The following GRID2 variants were observed in gnomAD, a reference collection of about 807,000 sequenced individuals.
GRID2 encodes glutamate receptor ionotropic, delta-2.
A neutral mutation model predicts 114.8 loss-of-function variants in GRID2; 33 were observed. The ratio of observed to expected loss-of-function variants is 0.29; its 90% CI spans 0.22 to 0.38. The LOEUF is 0.38. GRID2 is among the 10% of genes least tolerant of loss of function. The pLI is 1.00. For synonymous variants in GRID2, 505 were observed against 449.9 expected (o/e 1.12, Z -1.55); for missense variants, 1,184 against 1,257.7 (o/e 0.94, Z 0.89).
intron 1 of GRID2, among the ~76,000 whole-genome samples, chr4:92,563,961 T>G (rs2149184826): frequency 6.6e-6 from 1 of 152,214 alleles, no homozygotes; most frequent in Admixed American, 6.6e-5. Flanking sequence ...AATGTCTTAC[T>G]TCTACCTATT....
chr4:93,614,941 A>G (rs1156285055), intron 13 of GRID2, among the ~76,000 whole-genome samples: 2 of 152,200 alleles, frequency 1.3e-5, no homozygotes, highest in Non-Finnish European at 2.9e-5. Flanking sequence ...TAATACTTCA[A>G]TGAATTGCCT....
intron 14 of GRID2, among the ~76,000 whole-genome samples, chr4:93,739,667 C>G (rs1422531399): frequency 5.3e-5 from 8 of 152,188 alleles, no homozygotes; most frequent in Admixed American, 4.6e-4. Context: ...TCTCTCACCC[C>G]ACCCGGCTAA....
intron 1 of GRID2, among the ~76,000 whole-genome samples, chr4:92,429,710 T>C (rs996949893): frequency 3.3e-5 from 5 of 152,110 alleles, no homozygotes. Flanking sequence ...TGTAATTTAG[T>C]CCCCAGCAGA....
chr4:93,574,034 G>A (rs1393925137), intron 13 of GRID2, among the ~76,000 whole-genome samples: 1 of 152,118 alleles, frequency 6.6e-6, no homozygotes, highest in Non-Finnish European at 1.5e-5. Flanking sequence ...CATTGATAGA[G>A]GGTAGAGATA....
intron 1 of GRID2, among the ~76,000 whole-genome samples, chr4:93,803,236 C>T (rs1271278496): frequency 6.6e-6 from 1 of 152,162 alleles, no homozygotes; most frequent in East Asian, 1.9e-4. Context: ...TCACACTCAA[C>T]TCTGATACTG....
At chr4:93,246,229 C>G (rs1748185406) in intron 8 of GRID2, among the ~76,000 whole-genome samples, 1 of 152,120 alleles carries the variant, frequency 6.6e-6, no homozygotes, top group Admixed American at 6.6e-5. Context: ...TCTTCAATTA[C>G]TGTCCTAGTT....
chr4:92,988,341 C>G (rs1319375465), intron 2 of GRID2, among the ~76,000 whole-genome samples: 4 of 152,120 alleles, frequency 2.6e-5, no homozygotes, highest in African/African-American at 9.7e-5. Flanking sequence ...TGCTTGGTGG[C>G]TGAAAACCAG....
intron 8 of GRID2, among the ~76,000 whole-genome samples, chr4:93,274,067 A>T (rs1049485708): frequency 6.6e-6 from 1 of 151,984 alleles, no homozygotes; most frequent in Non-Finnish European, 1.5e-5. Context: ...TTTTGTTTTT[A>T]AACTTCATAT....
chr4:92,813,392 T>C (rs1201706280), intron 2 of GRID2, among the ~76,000 whole-genome samples: 1 of 152,110 alleles, frequency 6.6e-6, no homozygotes, highest in Non-Finnish European at 1.5e-5. Flanking sequence ...AGGCGCTTAA[T>C]TTCATTAATA....
At chr4:93,599,024 T>C (rs1249843231) in intron 13 of GRID2, among the ~76,000 whole-genome samples, 2 of 152,228 alleles carry the variant, frequency 1.3e-5, no homozygotes, top group Non-Finnish European at 1.5e-5. Flanking sequence ...TAATCTAGAC[T>C]AAGAAAATCA....
chr4:93,509,849 A>G (rs541520165), intron 12 of GRID2, among the ~76,000 whole-genome samples: 1 of 152,244 alleles, frequency 6.6e-6, no homozygotes, highest in South Asian at 2.1e-4. Context: ...TACATTTTGG[A>G]TCACTTTTTA....
chr4:92,903,260 T>C (rs551551044), intron 2 of GRID2, among the ~76,000 whole-genome samples: 1 of 151,884 alleles, frequency 6.6e-6, no homozygotes, highest in East Asian at 1.9e-4. Flanking sequence ...CCCACAACAT[T>C]TTAAATGAAT....
intron 2 of GRID2, among the ~76,000 whole-genome samples, chr4:92,737,654 T>C (rs1434785): frequency 0.3 from 46,230 of 151,938 alleles, 7,907 homozygotes; most frequent in East Asian, 0.54. Context: ...AGGTAACTAT[T>C]AGAGTAAAAT....
chr4:92,568,394 A>C (rs1727442021), intron 1 of GRID2, among the ~76,000 whole-genome samples: 1 of 151,904 alleles, frequency 6.6e-6, no homozygotes, highest in Non-Finnish European at 1.5e-5. Context: ...AAACTTTTAC[A>C]ACAATCTTTT....
At chr4:92,429,788 A>C (rs1732350417) in intron 1 of GRID2, among the ~76,000 whole-genome samples, 1 of 152,092 alleles carries the variant, frequency 6.6e-6, no homozygotes, top group African/African-American at 2.4e-5. Flanking sequence ...TTTGGATATA[A>C]GCCATTTTAA....
chr4:93,059,019 G>A (rs2149290338), intron 2 of GRID2, among the ~76,000 whole-genome samples: 1 of 152,122 alleles, frequency 6.6e-6, no homozygotes, highest in South Asian at 2.1e-4. Flanking sequence ...GTAGAAAGAA[G>A]CCACCTTGCA....
chr4:92,519,949 C>G (rs1253920823), intron 1 of GRID2, among the ~76,000 whole-genome samples: 1 of 151,860 alleles, frequency 6.6e-6, no homozygotes, highest in African/African-American at 2.4e-5. Flanking sequence ...TCTACCGATT[C>G]AAATGTTAAT....
intron 2 of GRID2, among the ~76,000 whole-genome samples, chr4:92,723,546 T>C (rs1009177042): frequency 6.6e-6 from 1 of 152,172 alleles, no homozygotes; most frequent in Non-Finnish European, 1.5e-5. Context: ...TCATGAAACT[T>C]AAAATCACCT....
At position 92,480,244 on chromosome 4, in the gene GRID2, G is replaced by A. The variant is rs539134560; in HGVS notation, c.89-109887G>A. ...GGAATGAGAATTAAATAACTTACTTGAATTGTCTTGCTTTAAGTGAATGTC... is the reference window on the plus strand; with the variant it reads ...GGAATGAGAATTAAATAACTTACTTAAATTGTCTTGCTTTAAGTGAATGTC... On this transcript the variant is annotated intron_variant, in intron 1 of 15. Coordinates refer to ENST00000282020, the MANE Select transcript of GRID2 (RefSeq NM_001510.4). 3.9e-5 allele frequency among the ~76,000 whole-genome samples: 6 copies of A among 152,178 alleles called. No homozygotes were observed. In the South Asian group the frequency reaches 1.0e-3, roughly 26 times the overall value.
Sources: gnomAD v4.1 joint callset for allele counts (sites outside exome capture counted in the v4.1 genomes callset) on GRCh38, gnomAD v4.1.1 for gene constraint, MANE v1.5 for transcripts, NCBI Gene and HGNC (gene_info 2026-07-23, HGNC 2026-07-21) for gene names.